EFR3B: variants seen among roughly 807,000 people sequenced by gnomAD.
EFR3B encodes the protein protein EFR3 homolog B.
Under a neutral mutation model 104.7 loss-of-function variants are expected in EFR3B, and 64 were observed. That is an observed-to-expected ratio of 0.61 (90% CI 0.50 to 0.75). The LOEUF (loss-of-function observed/expected upper bound fraction) is 0.75. EFR3B is among the 30% of genes least tolerant of loss of function. The pLI is 0.00. For synonymous variants in EFR3B, 385 were observed against 417.9 expected, an observed-to-expected ratio of 0.92 and a Z score of 0.96; for missense variants, 750 against 1,078.5, an observed-to-expected ratio of 0.70 and a Z score of 4.27.
chr2:25,155,649 T>C lies in EFR3B; in HGVS notation c.*1309T>C, dbSNP rs780075826. On this transcript the variant is annotated 3_prime_UTR_variant, in exon 23 of 23. Coordinates refer to ENST00000403714, the MANE Select transcript of EFR3B (RefSeq NM_014971.2). ...GCCTTTGTGTCTCCCGGGGTGCCAC[T>C]GACAGAACCTCACCTGGGGCTCCTC... is the stretch of plus-strand genomic sequence containing the variant. The C allele has an allele frequency of 6.6e-6, 1 of 152,240 alleles. No homozygotes were observed. Among genetic ancestry groups the C allele is most frequent in the African/African-American group, 2.4e-5 (1 of 41,448 alleles). 9.4% of individuals were successfully genotyped at this position (152,240 alleles called of 1,614,324 possible).
At chr2:25,124,100 A>G (rs7570529) in intron 5 of EFR3B, among the ~76,000 whole-genome samples, 3 of 151,602 alleles carry the variant, frequency 2.0e-5, no homozygotes, top group Non-Finnish European at 2.9e-5. Context: ...TTTCCCTGAG[A>G]TCTCTCCTGT....
intron 1 of EFR3B, among the ~76,000 whole-genome samples, chr2:25,085,716 C>T (rs1165570794): frequency 2.0e-5 from 3 of 151,958 alleles, no homozygotes; most frequent in Non-Finnish European, 4.4e-5. Flanking sequence ...TTGCCTGCCT[C>T]AGCCTCCCAA....
intron 5 of EFR3B, among the ~76,000 whole-genome samples, chr2:25,123,812 A>G (rs907797672): frequency 2.0e-5 from 3 of 152,260 alleles, no homozygotes; most frequent in African/African-American, 7.2e-5. Context: ...ACACGCACAC[A>G]TGCACACAGA....
intron 19 of EFR3B, 149 bp downstream of exon 19, chr2:25,145,200 G>A (rs749141178): frequency 1.1e-5 from 8 of 704,022 alleles, no homozygotes; most frequent in African/African-American, 5.3e-5. Flanking sequence ...CTCTCCCCAC[G>A]TATGCGTCAT....
At chr2:25,124,070 GTCCCCTC>G (rs1670094624) in intron 5 of EFR3B, among the ~76,000 whole-genome samples, 1 of 152,006 alleles carries the variant, frequency 6.6e-6, no homozygotes, top group Admixed American at 6.6e-5. Flanking sequence ...TTTCTCTTCC[GTCCCCTC>G]CCTGCACCCC....
At chr2:25,135,909 A>G (rs1670503782) in intron 13 of EFR3B, among the ~76,000 whole-genome samples, 1 of 152,164 alleles carries the variant, frequency 6.6e-6, no homozygotes, top group Non-Finnish European at 1.5e-5. Flanking sequence ...GAAGATAGAG[A>G]GTAGGCATTA....
At chr2:25,077,187 G>A (rs1326135745) in intron 1 of EFR3B, among the ~76,000 whole-genome samples, 10 of 152,206 alleles carry the variant, frequency 6.6e-5, no homozygotes, top group African/African-American at 1.7e-4. Context: ...AAATTGCTGC[G>A]TCACTCAGAA....
chr2:25,147,502 A>C (rs998321551), intron 19 of EFR3B: 6 of 152,234 alleles, frequency 3.9e-5, no homozygotes, highest in African/African-American at 1.2e-4. Flanking sequence ...AAAAATGCCA[A>C]ACAAATCAAA....
At position 25,121,844 on chromosome 2, in the gene EFR3B, C is replaced by T. The variant is rs146566786; in HGVS notation, c.485+50C>T. The T allele has an allele frequency of 2.1e-3, 3,245 of 1,550,524 alleles. 8 individuals are homozygous for T. Among genetic ancestry groups the T allele is most frequent in the Admixed American group, 2.6e-3 (135 of 50,966 alleles). On this transcript the variant is annotated intron_variant, in intron 5 of 22. Coordinates refer to ENST00000403714, the MANE Select transcript of EFR3B (RefSeq NM_014971.2). ...TTGGTTCAGCTTACAGCAGAAGCAACGGTGGGTCCTGTAGATAACTTCCAA... is the reference window on the plus strand; with the variant it reads ...TTGGTTCAGCTTACAGCAGAAGCAATGGTGGGTCCTGTAGATAACTTCCAA...
intron 1 of EFR3B, among the ~76,000 whole-genome samples, chr2:25,051,329 G>A (rs759301193): frequency 6.6e-6 from 1 of 152,004 alleles, no homozygotes; most frequent in Non-Finnish European, 1.5e-5. Flanking sequence ...TGGCCAGGCG[G>A]GTCTCGACCT....
At chr2:25,092,915 G>T in intron 2 of EFR3B, 88 bp from the exon 3 acceptor site, 1 of 1,471,154 alleles carries the variant, frequency 6.8e-7, no homozygotes, top group Non-Finnish European at 9.1e-7. Flanking sequence ...TGTAAATGTT[G>T]ATTCCGTCGA....
rs1667594275 is a variant in EFR3B at position 25,042,301 on chromosome 2, C to A, written c.-12C>A. 2 of 1,291,314 alleles carry A rather than the reference C, an allele frequency of 1.5e-6. No individual in the cohort carries two copies. The highest frequency in any genetic ancestry group is 1.6e-5 in the African/African-American group (1 of 64,368). The allele number at this position is 1,291,314 out of a possible 1,614,324, so 80.0% of individuals were successfully genotyped here. On this transcript the variant is annotated 5_prime_UTR_variant, in exon 1 of 23. Transcript: ENST00000403714. The surrounding 1 kb of genome is among the most constrained non-coding windows in gnomAD (Gnocchi z 5.4). The stretch of plus-strand genomic sequence containing the variant: ...CGACGCCGGCCTCTCGAGAGGCGCG[C>A]GCCCCGCCGAGATGTACGGTAAGGA...
At chr2:25,060,399 A>G (rs1573170844) in intron 1 of EFR3B, among the ~76,000 whole-genome samples, 2 of 152,202 alleles carry the variant, frequency 1.3e-5, no homozygotes, top group Non-Finnish European at 2.9e-5. Flanking sequence ...TGGCATCTTC[A>G]TATTCTTTGG....
At chr2:25,044,214 A>G (rs1288429938) in intron 1 of EFR3B, among the ~76,000 whole-genome samples, 1 of 152,264 alleles carries the variant, frequency 6.6e-6, no homozygotes, top group Non-Finnish European at 1.5e-5. Flanking sequence ...AGTTGCCTGC[A>G]GCAAAGGAAA....
chr2:25,143,016 G>A (rs1670715502), intron 17 of EFR3B, among the ~76,000 whole-genome samples: 1 of 151,364 alleles, frequency 6.6e-6, no homozygotes, highest in Non-Finnish European at 1.5e-5. Flanking sequence ...GGGAGGCCGA[G>A]GCGGGCGGGT....
At chr2:25,122,123 C>T (rs552698286) in intron 5 of EFR3B, among the ~76,000 whole-genome samples, 19 of 152,164 alleles carry the variant, frequency 1.2e-4, no homozygotes, top group South Asian at 6.2e-4. Flanking sequence ...TGCACCACCA[C>T]GCCCGGCTAA....
chr2:25,138,961 C>A, intron 15 of EFR3B, 98 bp from the exon 16 acceptor site: 1 of 1,470,068 alleles, frequency 6.8e-7, no homozygotes. Flanking sequence ...GGAAAGCAAG[C>A]ATTTCTAAAG....
At chr2:25,103,199 A>T (rs1455246649) in intron 3 of EFR3B, among the ~76,000 whole-genome samples, 1 of 152,212 alleles carries the variant, frequency 6.6e-6, no homozygotes, top group Admixed American at 6.5e-5. Flanking sequence ...TGCCTTCTTC[A>T]TCCTTACACC....
chr2:25,143,777 C>G lies in EFR3B; in HGVS notation c.1965C>G (p.Phe655Leu). Residue 655 changes from phenylalanine (F) to leucine (L), a missense_variant, in exon 18 of 23, where the codon TTC becomes TTG. Transcript: ENST00000403714. ...NLDGVVIELL[F>L]RQSKISEVLG... ...ATGGGGTGGTCATTGAGCTCCTCTT[C>G]CGCCAGAGCAAGATCAGTGAAGTCC... is the stretch of plus-strand genomic sequence containing the variant. The G allele has an allele frequency of 1.3e-6, 2 of 1,551,656 alleles. No homozygotes were observed. Among genetic ancestry groups the G allele is most frequent in the Non-Finnish European group, 1.7e-6 (2 of 1,146,992 alleles).
Sources: gnomAD v4.1 joint callset for allele counts (sites outside exome capture counted in the v4.1 genomes callset) on GRCh38, gnomAD v4.1.1 for gene constraint, Gnocchi (gnomAD v3.1) non-coding constraint, MANE v1.5 for transcripts, NCBI Gene and HGNC (gene_info 2026-07-23, HGNC 2026-07-21) for gene names.